The following LOXL4 variants were observed in gnomAD, a reference collection of about 807,000 sequenced individuals.
LOXL4 encodes lysyl oxidase homolog 4.
LOXL4 carries 72 observed loss-of-function variants against 89.1 expected under a neutral mutation model. The ratio of observed to expected loss-of-function variants is 0.81; its 90% confidence interval spans 0.67 to 0.98. The LOEUF is 0.98. Among genes scored for constraint, LOXL4 ranks in the 50% least tolerant of loss-of-function variants. LOXL4 has a pLI of 0.00. For missense variants in LOXL4, 984 were observed against 1,017.5 expected (o/e 0.97, Z 0.45); for synonymous variants, 355 against 392.1 (o/e 0.91, Z 1.12).
At chr10:98,254,220 A>T (rs878178) in intron 10 of LOXL4, among the ~76,000 whole-genome samples, 45,286 of 152,188 alleles carry the variant, frequency 0.3, 6,942 homozygotes, top group Non-Finnish European at 0.35. Flanking sequence ...ATTTTGTAAA[A>T]TGCTTTTAAG....
At position 98,248,596 on chromosome 10, in the gene LOXL4, A is replaced by G. The variant is rs971895557; in HGVS notation, c.*325T>C. The G allele has an allele frequency of 3.2e-6, 1 of 313,200 alleles. No homozygotes were observed. Among genetic ancestry groups the G allele is most frequent in the Non-Finnish European group, 6.0e-6 (1 of 165,938 alleles). The allele number at this position is 313,200 out of a possible 1,614,324, so 19.4% of individuals were successfully genotyped here. ...GGGACTGGGCCATAGTCCATCCCTA[A>G]GAAACTGAGAGCTCCTGAATCCCGG... On this transcript the variant is annotated 3_prime_UTR_variant, in exon 15 of 15. Coordinates refer to ENST00000260702, the MANE Select transcript of LOXL4 (RefSeq NM_032211.7).
intron 11 of LOXL4, 93 bp downstream of exon 11, chr10:98,253,460 A>C: frequency 6.4e-7 from 1 of 1,573,934 alleles, no homozygotes. Flanking sequence ...CTCCCAGGAA[A>C]ACTTGCCTGT....
At chr10:98,257,614 C>T in intron 8 of LOXL4, 36 bp downstream of exon 8, 1 of 1,597,632 alleles carries the variant, frequency 6.3e-7, no homozygotes, top group Non-Finnish European at 8.5e-7. Context: ...GGTTTCCCGG[C>T]CCCCAGCCTG....
At chr10:98,254,296 C>T (rs556897143) in intron 10 of LOXL4, among the ~76,000 whole-genome samples, 51 of 152,340 alleles carry the variant, frequency 3.3e-4, no homozygotes, top group African/African-American at 1.1e-3. Flanking sequence ...TGATACCTAA[C>T]CTGGATACTT....
At chr10:98,261,943 CCCTCGCTTAT>C in intron 3 of LOXL4, 82 bp downstream of exon 3, 3 of 1,321,090 alleles carry the variant, frequency 2.3e-6, no homozygotes, top group Non-Finnish European at 3.0e-6. Context: ...GCACCCTTTC[CCCTCGCTTAT>C]CCTCTAGGCC....
rs1858470089 is a variant in LOXL4 at position 98,259,158 on chromosome 10, T to C, written c.772A>G (p.Met258Val). The stretch of plus-strand genomic sequence containing the variant: ...GCCACCTGCACCTGGCAGTTGGCCA[T>C]GTGGGGCTCTGTCCCCAGGCAGGTG... ...QVTCLGTEPH[M>V]ANCQVQVAPA... The change falls in exon 6 of 15, where the codon ATG becomes GTG. Residue 258 changes from methionine to valine, a missense_variant. Coordinates refer to ENST00000260702, the MANE Select transcript of LOXL4 (RefSeq NM_032211.7). 1 of 1,612,162 alleles carries C rather than the reference T, an allele frequency of 6.2e-7. No individual in the cohort carries two copies. The highest frequency in any genetic ancestry group is 8.5e-7 in the Non-Finnish European group (1 of 1,179,796).
chr10:98,255,799 A>G lies in LOXL4; in HGVS notation c.1429-60T>C, dbSNP rs982666854. 8.9e-6 allele frequency: 14 copies of G among 1,568,150 alleles called. No individual in the cohort carries two copies. The East Asian group carries it at 3.2e-4, about 36-fold the overall frequency. ...CCTTTGGAGTCACCTCCTGACTCCC[A>G]TCTGAGGTGTGGCCTCAGTCATACC... On this transcript the variant is annotated intron_variant, in intron 9 of 14. Coordinates refer to ENST00000260702, the MANE Select transcript of LOXL4 (RefSeq NM_032211.7).
chr10:98,267,883 C>G (rs1334328284), intron 1 of LOXL4, among the ~76,000 whole-genome samples: 1 of 152,182 alleles, frequency 6.6e-6, no homozygotes, highest in Non-Finnish European at 1.5e-5. Flanking sequence ...ACGCAGGCAC[C>G]CCTGAGGCCT....
At chr10:98,251,407 C>T (rs1380395569) in intron 13 of LOXL4, among the ~76,000 whole-genome samples, 159 bp downstream of exon 13, 1 of 152,212 alleles carries the variant, frequency 6.6e-6, no homozygotes, top group African/African-American at 2.4e-5. Flanking sequence ...GTTCATTGGA[C>T]CCAGCTTGAC....
chr10:98,254,284 G>A (rs1858294418), intron 10 of LOXL4, among the ~76,000 whole-genome samples: 1 of 152,176 alleles, frequency 6.6e-6, no homozygotes, highest in South Asian at 2.1e-4. Flanking sequence ...AAAAAGCTCT[G>A]CTGATACCTA....
In LOXL4 at chr10:98,259,154, G is replaced by A. The variant is rs746148690; in HGVS notation, c.776C>T (p.Ala259Val). 1.9e-6 allele frequency: 3 copies of A among 1,612,206 alleles called. No individual in the cohort carries two copies. Among genetic ancestry groups the A allele is most frequent in the Admixed American group, 1.7e-5 (1 of 59,976 alleles). ...TGGAGCCACCTGCACCTGGCAGTTG[G>A]CCATGTGGGGCTCTGTCCCCAGGCA... is the stretch of plus-strand genomic sequence containing the variant. ...VTCLGTEPHM[A>V]NCQVQVAPAR... Residue 259 changes from alanine (A) to valine (V), a missense_variant, in exon 6 of 15, where the codon GCC (alanine) becomes GTC (valine). By Grantham distance (64) the Ala-to-Val change is moderately conservative. Coordinates refer to ENST00000260702, the MANE Select transcript of LOXL4 (RefSeq NM_032211.7).
chr10:98,264,853 T>C (rs1231646048), intron 1 of LOXL4, among the ~76,000 whole-genome samples: 1 of 135,548 alleles, frequency 7.4e-6, no homozygotes, highest in African/African-American at 2.7e-5. Flanking sequence ...GACCTGCCTC[T>C]TCCACGGCCA....
In LOXL4 at chr10:98,266,974, T is replaced by G. The variant is rs544866429; in HGVS notation, c.-33+1158A>C. Reference sequence around the variant, plus strand: ...AAGCGGCCTCGAAAGTGGCCGTTACTTTCCCAAATAAAGGAGAAGGGGACA... The same window carrying G: ...AAGCGGCCTCGAAAGTGGCCGTTACGTTCCCAAATAAAGGAGAAGGGGACA... On this transcript the variant is annotated intron_variant, in intron 1 of 14. Transcript: ENST00000260702. Among the ~76,000 whole-genome samples the G allele has an allele frequency of 2.7e-4, 41 of 152,194 alleles. No homozygotes were observed. The East Asian group carries it at 7.5e-3, about 28-fold the overall frequency.
chr10:98,259,482 C>G, intron 4 of LOXL4, 53 bp from the exon 5 acceptor site: 1 of 1,502,550 alleles, frequency 6.7e-7, no homozygotes, highest in Non-Finnish European at 9.2e-7. Flanking sequence ...AGTCCCACCC[C>G]CTGCCACCTG....
At chr10:98,264,648 C>A (rs1858635390) in intron 1 of LOXL4, among the ~76,000 whole-genome samples, 1 of 152,014 alleles carries the variant, frequency 6.6e-6, no homozygotes, top group Non-Finnish European at 1.5e-5. Context: ...CCCCCTCACA[C>A]AGCAGCCTTG....
chr10:98,254,384 C>T (rs1858296576), intron 10 of LOXL4, among the ~76,000 whole-genome samples: 4 of 152,210 alleles, frequency 2.6e-5, no homozygotes, highest in Admixed American at 6.5e-5. Context: ...CCACTGACCA[C>T]AGCATGCATG....
Position 98,257,797 on chromosome 10 carries a change from C to T in LOXL4, c.1113G>A (p.Gly371=), listed in dbSNP as rs759651217. The T allele has an allele frequency of 6.2e-6, 10 of 1,611,770 alleles. No homozygotes were observed. In the Admixed American group the frequency reaches 1.2e-4, roughly 19 times the overall value. Residue 371 remains glycine (G), a synonymous_variant, in exon 8 of 15, where the codon GGG becomes GGA. Transcript: ENST00000260702. ...AGCGCACCTCACTCAGGTGGATGGG[C>T]CCTAGCCCTAGATGGGGAGAGAGGT... The part of the protein sequence containing the change: ...LFGARLGQGL[G]PIHLSEVRCR...
Position 98,259,015 on chromosome 10 carries a change from C to G in LOXL4, c.915G>C (p.Trp305Cys). ...CAGGATGCCCAGGGCTCACCTCTGC[C>G]CAGGACCCTTTGCGTTGTGGCTTTG... ...PKTKPQRKGS[W>C]AEEPRVRLRS... The change falls in exon 6 of 15, where the codon TGG (tryptophan) becomes TGC (cysteine). Residue 305 changes from tryptophan (W) to cysteine (C), a missense_variant. By Grantham distance (215) the Trp-to-Cys change is radical (BLOSUM62 -2). Coordinates refer to ENST00000260702, the MANE Select transcript of LOXL4 (RefSeq NM_032211.7). 1.3e-6 allele frequency: 2 copies of G among 1,547,962 alleles called. No homozygotes were observed. Among genetic ancestry groups the G allele is most frequent in the Non-Finnish European group, 1.7e-6 (2 of 1,144,566 alleles).
chr10:98,254,585 G>T (rs1858301134), intron 10 of LOXL4, among the ~76,000 whole-genome samples: 3 of 152,270 alleles, frequency 2.0e-5, no homozygotes, highest in African/African-American at 7.2e-5. Context: ...AGAAAGCAAT[G>T]TGAAAAGCCA....
Sources: gnomAD v4.1 joint callset for allele counts (sites outside exome capture counted in the v4.1 genomes callset) on GRCh38, gnomAD v4.1.1 for gene constraint, MANE v1.5 for transcripts, NCBI Gene and HGNC (gene_info 2026-07-23, HGNC 2026-07-21) for gene names.